Variants in HDAC9 observed in about 807,000 individuals in gnomAD.
HDAC9 encodes MEF-2 interacting transcription repressor (MITR) protein.
A neutral mutation model predicts 139.4 loss-of-function variants in HDAC9; 41 were observed. That is an observed-to-expected ratio of 0.29 (90% CI 0.23 to 0.38). HDAC9 has a LOEUF of 0.38. HDAC9 is among the 10% of genes least tolerant of loss of function. The pLI is 1.00. For synonymous variants in HDAC9, 517 were observed against 476.2 expected, an observed-to-expected ratio of 1.09 and a Z score of -1.12; for missense variants, 1,147 against 1,297.0, an observed-to-expected ratio of 0.88 and a Z score of 1.78.
At chr7:18,478,350 C>T (rs1408857153) in intron 1 of HDAC9, among the ~76,000 whole-genome samples, 1 of 152,198 alleles carries the variant, frequency 6.6e-6, no homozygotes, top group Non-Finnish European at 1.5e-5. Context: ...GGATTACAGG[C>T]GTGAGCCGCC....
intron 19 of HDAC9, among the ~76,000 whole-genome samples, chr7:18,831,519 C>T (rs927091893): frequency 3.9e-5 from 6 of 152,118 alleles, no homozygotes; most frequent in African/African-American, 1.4e-4. Flanking sequence ...TCCCAACAGG[C>T]TGTAGTAGAC....
At chr7:18,087,781 G>A (rs1781888329) in intron 1 of HDAC9, 1 of 152,224 alleles carries the variant, frequency 6.6e-6, no homozygotes, top group Non-Finnish European at 1.5e-5. Flanking sequence ...GCCATACGAG[G>A]GTGTCACAGT....
rs927985525 is a variant in HDAC9 at position 19,001,620 on chromosome 7, G to C, written c.*5558G>C. ...AATGGCACTTCCTTGGGTATGTAAGGGTTGTTTTTAGATAAAACTCCCGAT... is the reference window on the plus strand; with the variant it reads ...AATGGCACTTCCTTGGGTATGTAAGCGTTGTTTTTAGATAAAACTCCCGAT... On this transcript the variant is annotated 3_prime_UTR_variant, in exon 26 of 26. Transcript: ENST00000686413. The C allele has an allele frequency of 6.6e-6, 1 of 151,578 alleles. No individual in the cohort carries two copies. Among genetic ancestry groups the C allele is most frequent in the African/African-American group, 2.4e-5 (1 of 41,278 alleles). The allele number at this position is 151,578 out of a possible 1,614,324, so 9.4% of individuals were successfully genotyped here.
At chr7:18,557,922 A>G (rs1819377118) in intron 2 of HDAC9, among the ~76,000 whole-genome samples, 1 of 151,988 alleles carries the variant, frequency 6.6e-6, no homozygotes, top group South Asian at 2.1e-4. Flanking sequence ...GAAAGAATCT[A>G]GCATTTAAAA....
At chr7:18,691,201 G>T (rs1166969721) in intron 12 of HDAC9, among the ~76,000 whole-genome samples, 1 of 151,966 alleles carries the variant, frequency 6.6e-6, no homozygotes, top group Non-Finnish European at 1.5e-5. Flanking sequence ...GCAAACCACT[G>T]AGAGCAATTT....
chr7:18,130,082 C>T (rs545510273), intron 1 of HDAC9, among the ~76,000 whole-genome samples: 2 of 152,160 alleles, frequency 1.3e-5, no homozygotes, highest in South Asian at 4.2e-4. Flanking sequence ...ATGGAGTATC[C>T]CTTATCCAAA....
chr7:18,771,585 G>T (rs1585009128), intron 16 of HDAC9, among the ~76,000 whole-genome samples: 1 of 151,518 alleles, frequency 6.6e-6, no homozygotes, highest in African/African-American at 2.4e-5. Flanking sequence ...AAGAAACATT[G>T]TATATACACA....
chr7:18,299,887 A>G (rs924636609), intron 1 of HDAC9, among the ~76,000 whole-genome samples: 5 of 152,160 alleles, frequency 3.3e-5, no homozygotes, highest in African/African-American at 1.2e-4. Context: ...GGAGCTACGT[A>G]TTTTAGTCAA....
intron 24 of HDAC9, among the ~76,000 whole-genome samples, chr7:18,973,773 G>A (rs539569093): frequency 3.9e-4 from 59 of 152,190 alleles, no homozygotes; most frequent in African/African-American, 1.4e-3. Context: ...GTGTCTTCTC[G>A]TTTCGATTCT....
At chr7:18,818,743 A>G (rs1794751322) in intron 17 of HDAC9, among the ~76,000 whole-genome samples, 1 of 151,932 alleles carries the variant, frequency 6.6e-6, no homozygotes, top group South Asian at 2.1e-4. Flanking sequence ...TGGAGATTTG[A>G]CCCTTATTTT....
intron 22 of HDAC9, among the ~76,000 whole-genome samples, chr7:18,932,856 G>GAAAGA (rs1804888278): frequency 6.7e-6 from 1 of 150,226 alleles, no homozygotes; most frequent in South Asian, 2.1e-4. Flanking sequence ...AAAAAAGAAA[G>GAAAGA]AAAGAAAGAA....
At chr7:18,581,505 G>A (rs1025692321) in intron 2 of HDAC9, among the ~76,000 whole-genome samples, 1 of 151,946 alleles carries the variant, frequency 6.6e-6, no homozygotes, top group Non-Finnish European at 1.5e-5. Context: ...TTTTAAAAAA[G>A]CTTTTTTAGA....
At chr7:18,121,061 C>T (rs140501302) in intron 1 of HDAC9, among the ~76,000 whole-genome samples, 9 of 152,322 alleles carry the variant, frequency 5.9e-5, no homozygotes, top group African/African-American at 2.2e-4. Flanking sequence ...GTTTTACTTA[C>T]ATCTCTGGTC....
chr7:18,164,974 A>T (rs1787904247), intron 2 of HDAC9, among the ~76,000 whole-genome samples: 1 of 152,202 alleles, frequency 6.6e-6, no homozygotes, highest in South Asian at 2.1e-4. Flanking sequence ...CAAGCACTAA[A>T]ACATAGTTTC....
At chr7:18,419,491 A>G (rs1789416678) in intron 1 of HDAC9, among the ~76,000 whole-genome samples, 1 of 151,498 alleles carries the variant, frequency 6.6e-6, no homozygotes, top group South Asian at 2.1e-4. Flanking sequence ...GTGAGAAGAT[A>G]AGTTTTAGTG....
At chr7:18,418,092 A>G (rs1754231824) in intron 1 of HDAC9, among the ~76,000 whole-genome samples, 1 of 152,154 alleles carries the variant, frequency 6.6e-6, no homozygotes, top group Non-Finnish European at 1.5e-5. Context: ...CTCATCTCTC[A>G]GGATTGCTAT....
chr7:18,234,477 C>A (rs1036490930), intron 2 of HDAC9, among the ~76,000 whole-genome samples: 3 of 152,084 alleles, frequency 2.0e-5, no homozygotes, highest in Non-Finnish European at 2.9e-5. Context: ...TATTATTAAC[C>A]ACCTTATTAA....
At chr7:18,817,762 A>G (rs1339554216) in intron 17 of HDAC9, among the ~76,000 whole-genome samples, 1 of 152,214 alleles carries the variant, frequency 6.6e-6, no homozygotes. Context: ...GAAAAACTGT[A>G]CTATCCCAGC....
At chr7:18,117,905 C>A (rs1448604424) in intron 1 of HDAC9, among the ~76,000 whole-genome samples, 1 of 152,126 alleles carries the variant, frequency 6.6e-6, no homozygotes, top group Non-Finnish European at 1.5e-5. Flanking sequence ...CCTGGATTGA[C>A]TCTTTCTCCT....
Sources: gnomAD v4.1 joint callset for allele counts (sites outside exome capture counted in the v4.1 genomes callset) on GRCh38, gnomAD v4.1.1 for gene constraint, MANE v1.5 for transcripts, NCBI Gene and HGNC (gene_info 2026-07-23, HGNC 2026-07-21) for gene names.